Variants in OR51B5 observed in about 807,000 individuals in gnomAD.
The protein encoded by OR51B5 is olfactory receptor family 51 subfamily B member 5.
For synonymous variants in OR51B5, 186 were observed against 144.8 expected (o/e 1.28, Z -2.04); for missense variants, 456 against 374.6 (o/e 1.22, Z -1.79).
intron 1 of OR51B5, among the ~76,000 whole-genome samples, chr11:5,424,587 C>A (rs1419660487): frequency 6.6e-6 from 1 of 151,892 alleles, no homozygotes; most frequent in East Asian, 1.9e-4. Flanking sequence ...CATCCAGGAC[C>A]AACAGTCTGG....
At chr11:5,492,378 G>A (rs963240478) in intron 1 of OR51B5, among the ~76,000 whole-genome samples, 2 of 152,166 alleles carry the variant, frequency 1.3e-5, no homozygotes, top group Admixed American at 1.3e-4. Context: ...TGACTTTATT[G>A]TGATGTGCTA....
chr11:5,505,450 C>A (rs1051819753), intron 1 of OR51B5: 1 of 1,303,740 alleles, frequency 7.7e-7, no homozygotes, highest in Non-Finnish European at 1.0e-6. Context: ...CAAAAACTAT[C>A]CCCTAATGGG....
intron 1 of OR51B5, among the ~76,000 whole-genome samples, chr11:5,363,235 CCT>C (rs1266120789): frequency 7.0e-5 from 6 of 85,294 alleles, no homozygotes; most frequent in East Asian, 5.7e-4. Context: ...GAACCCAACC[CCT>C]CACACACACA....
intron 1 of OR51B5, among the ~76,000 whole-genome samples, chr11:5,452,805 A>G (rs560796358): frequency 6.6e-6 from 1 of 152,356 alleles, no homozygotes; most frequent in South Asian, 2.1e-4. Context: ...ATTTAGGGAC[A>G]AATACATAAT....
At chr11:5,471,474 A>G (rs1322423778) in intron 1 of OR51B5, among the ~76,000 whole-genome samples, 1 of 152,120 alleles carries the variant, frequency 6.6e-6, no homozygotes, top group Non-Finnish European at 1.5e-5. Flanking sequence ...CGTCTCTACT[A>G]AAAATATAAA....
At chr11:5,495,848 C>A (rs1165276625) in intron 1 of OR51B5, among the ~76,000 whole-genome samples, 1 of 152,210 alleles carries the variant, frequency 6.6e-6, no homozygotes, top group African/African-American at 2.4e-5. Context: ...CTCACTTTAG[C>A]TTTAAGGACA....
At chr11:5,475,681 A>T (rs1851294805) in intron 1 of OR51B5, among the ~76,000 whole-genome samples, 1 of 152,204 alleles carries the variant, frequency 6.6e-6, no homozygotes, top group Admixed American at 6.5e-5. Context: ...CTTCTATGTT[A>T]TTATGTAAAT....
downstream of OR51B5, chr11:5,340,849 T>C (rs1288667226): frequency 6.6e-6 from 1 of 152,178 alleles, no homozygotes; most frequent in Non-Finnish European, 1.5e-5. Flanking sequence ...CCACAATATT[T>C]TTATGAATAA....
chr11:5,377,208 A>T (rs1455614227), intron 1 of OR51B5, among the ~76,000 whole-genome samples: 1 of 152,108 alleles, frequency 6.6e-6, no homozygotes, highest in Non-Finnish European at 1.5e-5. Flanking sequence ...AAAGACAAAA[A>T]CCACATGATT....
chr11:5,492,341 C>T (rs577198673), intron 1 of OR51B5, among the ~76,000 whole-genome samples: 1 of 152,278 alleles, frequency 6.6e-6, no homozygotes, highest in South Asian at 2.1e-4. Context: ...CCTGTTTTCT[C>T]TTTCTTCCAT....
intron 1 of OR51B5, among the ~76,000 whole-genome samples, chr11:5,374,703 T>C (rs1484161288): frequency 2.0e-5 from 3 of 152,066 alleles, no homozygotes; most frequent in Non-Finnish European, 4.4e-5. Context: ...CCTCAGGAGC[T>C]GATGCGATCA....
At chr11:5,449,566 A>C (rs1662588010) in intron 1 of OR51B5, among the ~76,000 whole-genome samples, 1 of 152,204 alleles carries the variant, frequency 6.6e-6, no homozygotes, top group Non-Finnish European at 1.5e-5. Flanking sequence ...ACTGCCATGT[A>C]CTGATTGTAT....
At chr11:5,471,465 G>A (rs763445557) in intron 1 of OR51B5, among the ~76,000 whole-genome samples, 3 of 152,026 alleles carry the variant, frequency 2.0e-5, no homozygotes, top group Non-Finnish European at 2.9e-5. Flanking sequence ...GTGAAACCCC[G>A]TCTCTACTAA....
At chr11:5,456,243 G>A (rs570954007) in intron 1 of OR51B5, 1 of 152,190 alleles carries the variant, frequency 6.6e-6, no homozygotes, top group South Asian at 2.1e-4. Context: ...GAAAATATGA[G>A]CCTCCCAAAA....
chr11:5,492,628 A>G (rs960868112), intron 1 of OR51B5, among the ~76,000 whole-genome samples: 3 of 152,172 alleles, frequency 2.0e-5, no homozygotes, highest in African/African-American at 7.2e-5. Context: ...CATAGAGCCA[A>G]GATTACCAAC....
Position 5,390,141 on chromosome 11 carries a change from G to A in OR51B5, n.85-43231C>T, listed in dbSNP as rs181392844. The A allele has an allele frequency of 1.3e-4, 204 of 1,613,784 alleles. No homozygotes were observed. In the Admixed American group the frequency reaches 2.8e-3, roughly 22 times the overall value. ...CTGGCCTCCCAAGAGGAGCAGCGCCGTGCCTTTCAGACATGCACCGCTCCT... is the reference window on the plus strand; with the variant it reads ...CTGGCCTCCCAAGAGGAGCAGCGCCATGCCTTTCAGACATGCACCGCTCCT... On this transcript the variant is annotated intron_variant and non_coding_transcript_variant, in intron 1 of 4. Coordinates refer to the OR51B5 transcript ENST00000415970.
chr11:5,357,715 T>C (rs1275157672), intron 1 of OR51B5, among the ~76,000 whole-genome samples: 2 of 150,268 alleles, frequency 1.3e-5, no homozygotes, highest in Non-Finnish European at 3.0e-5. Context: ...ACCACACCTA[T>C]TCCAAAATTG....
chr11:5,481,524 G>A (rs961285722), intron 1 of OR51B5, among the ~76,000 whole-genome samples: 2 of 148,068 alleles, frequency 1.4e-5, no homozygotes, highest in Non-Finnish European at 3.0e-5. Flanking sequence ...TTAGGCAGGA[G>A]AAGGAAATAA....
chr11:5,483,083 A>T lies in OR51B5; in HGVS notation n.84+22486T>A, dbSNP rs1316600155. ...GTATGTTTATTGCGGCATTATGCAC[A>T]ATAGCAAAGACTTGGAACCAACCCA... On this transcript the variant is annotated intron_variant and non_coding_transcript_variant, in intron 1 of 4. Coordinates refer to the OR51B5 transcript ENST00000415970. Among the ~76,000 whole-genome samples, 3 of 150,634 alleles carry T rather than the reference A, an allele frequency of 2.0e-5. No homozygotes were observed. In the East Asian group the frequency reaches 5.9e-4, roughly 30 times the overall value.
Sources: allele counts gnomAD v4.1 joint callset (sites outside exome capture counted in the v4.1 genomes callset), GRCh38; gene constraint gnomAD v4.1.1; transcripts MANE v1.5; gene names NCBI Gene and HGNC (gene_info 2026-07-23, HGNC 2026-07-21).